Variants in DMD observed in about 807,000 individuals in gnomAD.
DMD encodes mutant dystrophin.
DMD carries 63 observed loss-of-function variants against 330.1 expected under a neutral mutation model. The observed-to-expected ratio is 0.19, with a 90% CI of 0.16 to 0.24. DMD has a LOEUF of 0.24. Among genes scored for constraint, DMD ranks in the 10% least tolerant of loss-of-function variants. The pLI, the probability that DMD is intolerant of heterozygous loss-of-function variation, is 1.00. For missense variants in DMD, 3,344 were observed against 2,684.1 expected (o/e 1.25, Z -5.43); for synonymous variants, 1,223 against 959.8 (o/e 1.27, Z -5.07).
intron 6 of DMD, among the ~76,000 whole-genome samples, chrX:32,810,979 T>C (rs925402984): frequency 2.1e-4 from 23 of 110,380 alleles, no homozygotes; most frequent in Admixed American, 6.8e-4. Flanking sequence ...TTTACTTCCA[T>C]TGGGTCTTTA....
chrX:32,127,865 T>C lies in DMD; in HGVS notation c.6438+89051A>G, dbSNP rs2096669351. Among the ~76,000 whole-genome samples, 5 of 112,339 alleles carry C rather than the reference T, an allele frequency of 4.5e-5. No individual in the cohort carries two copies. The Admixed American group carries it at 4.7e-4, about 11-fold the overall frequency. On this transcript the variant is annotated intron_variant, in intron 44 of 78. Coordinates refer to ENST00000357033, the MANE Select transcript of DMD (RefSeq NM_004006.3). ...CCACAGGAAGGGACGAGGCATTTAT[T>C]TGAACCTTCAATTATATGCTATCAT...
At chrX:32,448,418 T>A in intron 27 of DMD, 38 bp downstream of exon 27, 2 of 1,189,201 alleles carry the variant, frequency 1.7e-6, no homozygotes, top group Non-Finnish European at 1.1e-6. Context: ...GACCATGTAT[T>A]GACATATCAT....
chrX:32,785,254 G>A (rs771362432), intron 7 of DMD, among the ~76,000 whole-genome samples: 147 of 107,633 alleles, frequency 1.4e-3, no homozygotes, highest in Non-Finnish European at 2.6e-3. Context: ...CAGAGTAAAA[G>A]ACACATTAGC....
At chrX:33,133,262 G>A (rs2095509452) in intron 1 of DMD, among the ~76,000 whole-genome samples, 1 of 111,309 alleles carries the variant, frequency 9.0e-6, no homozygotes, top group Non-Finnish European at 1.9e-5. Context: ...AGTACATCAG[G>A]GAACAACGTA....
At chrX:33,291,776 AT>A (rs1180263595) in intron 1 of DMD, among the ~76,000 whole-genome samples, 4 of 110,978 alleles carry the variant, frequency 3.6e-5, no homozygotes, top group African/African-American at 6.5e-5. Context: ...CTCACTTGTA[AT>A]ATTTTTCAAT....
intron 1 of DMD, chrX:33,041,272 A>G: frequency 1.6e-6 from 1 of 644,962 alleles, no homozygotes; most frequent in Non-Finnish European, 2.4e-6. Flanking sequence ...AAAACTCCTT[A>G]AGTGGCCGCG....
chrX:33,169,817 CT>C (rs1056201537), intron 1 of DMD, among the ~76,000 whole-genome samples: 1 of 109,245 alleles, frequency 9.2e-6, no homozygotes, highest in African/African-American at 3.3e-5. Context: ...CTAATGTGTC[CT>C]TTTTTTTAAT....
intron 74 of DMD, among the ~76,000 whole-genome samples, chrX:31,162,499 G>A (rs1032311121): frequency 4.6e-5 from 5 of 109,439 alleles, no homozygotes; most frequent in Non-Finnish European, 9.5e-5. Flanking sequence ...TTTGTAGTAT[G>A]AAGCAGTCCT....
At chrX:32,299,314 T>C (rs1273362179) in intron 42 of DMD, among the ~76,000 whole-genome samples, 1 of 111,005 alleles carries the variant, frequency 9.0e-6, no homozygotes, top group Non-Finnish European at 1.9e-5. Flanking sequence ...TGATGACATA[T>C]AGCTTTTTGG....
chrX:31,154,294 T>A (rs1361267274), intron 74 of DMD, among the ~76,000 whole-genome samples: 4 of 108,535 alleles, frequency 3.7e-5, no homozygotes, highest in African/African-American at 6.8e-5. Flanking sequence ...TTTTTTTTAT[T>A]TTTTTATTTT....
chrX:31,433,722 G>A (rs1036981429), intron 60 of DMD, among the ~76,000 whole-genome samples: 3 of 111,539 alleles, frequency 2.7e-5, no homozygotes, highest in Non-Finnish European at 3.8e-5. Context: ...ACCTCCCAAA[G>A]TGCTGGGATC....
At chrX:32,387,272 G>T (rs1276132278) in intron 32 of DMD, among the ~76,000 whole-genome samples, 1 of 110,797 alleles carries the variant, frequency 9.0e-6, no homozygotes, top group Non-Finnish European at 1.9e-5. Flanking sequence ...AACACCACTT[G>T]ATGTCTTAAT....
intron 2 of DMD, among the ~76,000 whole-genome samples, chrX:32,969,876 C>T (rs2092322670): frequency 1.1e-5 from 1 of 94,998 alleles, no homozygotes; most frequent in Non-Finnish European, 2.0e-5. Flanking sequence ...TATTACCTAG[C>T]TACAAAGAAA....
intron 54 of DMD, among the ~76,000 whole-genome samples, chrX:31,628,915 C>CATATATATATATAT (rs10524146): frequency 0.015 from 1,212 of 82,630 alleles, 15 homozygotes; most frequent in East Asian, 0.034. Flanking sequence ...TATTTTTGAT[C>CATATATATATATAT]ATATATATAT....
intron 7 of DMD, among the ~76,000 whole-genome samples, chrX:32,700,160 A>G (rs1337034552): frequency 8.9e-6 from 1 of 111,837 alleles, no homozygotes; most frequent in East Asian, 2.8e-4. Flanking sequence ...TATGTGAAGT[A>G]TGTCATTAGT....
intron 1 of DMD, among the ~76,000 whole-genome samples, chrX:33,250,135 ATGTG>A (rs1235251053): frequency 1.0e-5 from 1 of 95,550 alleles, no homozygotes; most frequent in African/African-American, 4.4e-5. Flanking sequence ...GTATGTATGT[ATGTG>A]TGTGTATGTG....
chrX:32,679,419 A>G (rs1301790500), intron 9 of DMD, among the ~76,000 whole-genome samples: 3 of 111,804 alleles, frequency 2.7e-5, no homozygotes, highest in Non-Finnish European at 5.6e-5. Flanking sequence ...TTAGTAAAGA[A>G]CATTTACTGA....
chrX:33,186,120 AT>A (rs771898077), intron 1 of DMD, among the ~76,000 whole-genome samples: 165 of 111,807 alleles, frequency 1.5e-3, no homozygotes, highest in African/African-American at 5.1e-3. Context: ...GGAGTCTGCT[AT>A]CATTATTCCC....
At chrX:31,351,487 A>G (rs2058407856) in intron 60 of DMD, among the ~76,000 whole-genome samples, 1 of 110,237 alleles carries the variant, frequency 9.1e-6, no homozygotes, top group Admixed American at 9.7e-5. Context: ...GCACTTTGGG[A>G]GGCCGAGGCA....
Sources: allele counts gnomAD v4.1 joint callset (sites outside exome capture counted in the v4.1 genomes callset), GRCh38; gene constraint gnomAD v4.1.1; transcripts MANE v1.5; gene names NCBI Gene and HGNC (gene_info 2026-07-23, HGNC 2026-07-21).